The following RBFOX2 variants were observed in gnomAD, a reference collection of about 807,000 sequenced individuals.
The protein encoded by RBFOX2 is RNA binding fox-1 homolog 2, also known as RNA binding protein fox-1 homolog 2.
Under a neutral mutation model 49.1 loss-of-function variants are expected in RBFOX2, and 10 were observed. That is an observed-to-expected ratio of 0.20 (90% confidence interval 0.13 to 0.35). The LOEUF is 0.35. Ranked by LOEUF, RBFOX2 falls within the 10% of genes least tolerant of loss-of-function variation. RBFOX2 has a pLI of 1.00. For missense variants in RBFOX2, 323 were observed against 486.9 expected (o/e 0.66, Z 3.17); for synonymous variants, 183 against 187.4 (o/e 0.98, Z 0.19).
At chr22:36,008,295 G>A (rs544602231) in intron 1 of RBFOX2, among the ~76,000 whole-genome samples, 1 of 152,054 alleles carries the variant, frequency 6.6e-6, no homozygotes, top group Non-Finnish European at 1.5e-5. Context: ...ATCTAGCAAT[G>A]TTTAACATGT....
At chr22:35,809,204 A>G (rs1044658851) in intron 2 of RBFOX2, among the ~76,000 whole-genome samples, 2 of 152,178 alleles carry the variant, frequency 1.3e-5, no homozygotes, top group Admixed American at 6.5e-5. Context: ...GGTAGGTACT[A>G]TTATCTTCAT....
intron 1 of RBFOX2, among the ~76,000 whole-genome samples, chr22:35,859,150 A>G (rs909400038): frequency 2.6e-5 from 4 of 152,222 alleles, no homozygotes; most frequent in Admixed American, 2.0e-4. Flanking sequence ...GAGAAAATAA[A>G]GCAGCAATTG....
intron 1 of RBFOX2, among the ~76,000 whole-genome samples, chr22:35,870,246 T>C (rs906675035): frequency 6.6e-6 from 1 of 152,226 alleles, no homozygotes; most frequent in African/African-American, 2.4e-5. Context: ...CGGTGGCTCA[T>C]GCTTGCCATC....
chr22:35,969,678 C>T (rs1389485093), intron 1 of RBFOX2, among the ~76,000 whole-genome samples: 1 of 152,144 alleles, frequency 6.6e-6, no homozygotes, highest in African/African-American at 2.4e-5. Flanking sequence ...ATATCAGAGG[C>T]AGGAAGTTAG....
At position 35,761,199 on chromosome 22, in the gene RBFOX2, T is replaced by C. The variant is rs1938700781; in HGVS notation, c.754+3A>G. On this transcript the variant is annotated splice_donor_region_variant and intron_variant, in intron 8 of 11. Transcript: ENST00000405409. Reference sequence around the variant, plus strand: ...CCATGCCAGGCCAACATAGGCTACTTACTGATTAAAGGAATGTAAGTGTTG... The same window carrying C: ...CCATGCCAGGCCAACATAGGCTACTCACTGATTAAAGGAATGTAAGTGTTG... The C allele has an allele frequency of 1.9e-6, 3 of 1,613,248 alleles. No homozygotes were observed. The highest frequency in any genetic ancestry group is 2.5e-6 in the Non-Finnish European group (3 of 1,179,418).
At chr22:35,955,498 A>G (rs527409307) in intron 1 of RBFOX2, among the ~76,000 whole-genome samples, 2 of 145,960 alleles carry the variant, frequency 1.4e-5, no homozygotes, top group East Asian at 4.1e-4. Context: ...GTGGTCCCCA[A>G]TCTTTTTGGC....
chr22:35,820,426 T>C (rs556358674), intron 1 of RBFOX2, among the ~76,000 whole-genome samples: 60 of 152,310 alleles, frequency 3.9e-4, no homozygotes, highest in African/African-American at 1.3e-3. Flanking sequence ...TTTCTACTCA[T>C]TGGGCTAATA....
chr22:35,858,068 A>G (rs759784567), intron 1 of RBFOX2, among the ~76,000 whole-genome samples: 6 of 152,248 alleles, frequency 3.9e-5, no homozygotes, highest in Non-Finnish European at 7.3e-5. Context: ...GAGTTTTCAG[A>G]GCACTGTTTT....
At chr22:35,773,651 G>A (rs1032750759) in intron 4 of RBFOX2, among the ~76,000 whole-genome samples, 1 of 151,966 alleles carries the variant, frequency 6.6e-6, no homozygotes, top group Non-Finnish European at 1.5e-5. Flanking sequence ...TTAATAATGA[G>A]CACTATCTGA....
intron 4 of RBFOX2, among the ~76,000 whole-genome samples, chr22:35,775,994 C>G (rs1943836570): frequency 6.6e-6 from 1 of 152,002 alleles, no homozygotes; most frequent in Non-Finnish European, 1.5e-5. Flanking sequence ...GGAGTAAGTC[C>G]TCAATGCCTG....
At chr22:35,974,209 A>C (rs2057028354) in intron 1 of RBFOX2, among the ~76,000 whole-genome samples, 1 of 152,248 alleles carries the variant, frequency 6.6e-6, no homozygotes, top group Admixed American at 6.5e-5. Flanking sequence ...GCCCTGCCAA[A>C]GAATTGCCGC....
intron 1 of RBFOX2, among the ~76,000 whole-genome samples, chr22:36,001,900 C>T (rs920515206): frequency 1.3e-5 from 2 of 151,988 alleles, no homozygotes; most frequent in African/African-American, 4.8e-5. Flanking sequence ...CCCGTCTCTA[C>T]TAAAAATACA....
intron 1 of RBFOX2, among the ~76,000 whole-genome samples, chr22:35,922,538 C>T (rs1176066552): frequency 6.6e-6 from 1 of 151,418 alleles, no homozygotes; most frequent in Non-Finnish European, 1.5e-5. Flanking sequence ...CGCCACTGCA[C>T]TCCAGACTGG....
chr22:35,942,739 G>A (rs142911556), upstream of RBFOX2, among the ~76,000 whole-genome samples: 14 of 149,094 alleles, frequency 9.4e-5, no homozygotes, highest in Non-Finnish European at 1.8e-4. Flanking sequence ...AAAAAAAAAA[G>A]GTAACTAAAT....
chr22:35,839,056 G>A (rs1958226235), intron 1 of RBFOX2, among the ~76,000 whole-genome samples: 1 of 152,080 alleles, frequency 6.6e-6, no homozygotes, highest in Non-Finnish European at 1.5e-5. Context: ...CAAAAAAAGG[G>A]CAACCTCCTT....
intron 1 of RBFOX2, among the ~76,000 whole-genome samples, chr22:35,818,530 T>C (rs1421888639): frequency 6.6e-6 from 1 of 152,172 alleles, no homozygotes; most frequent in Non-Finnish European, 1.5e-5. Context: ...ACACCTGTAA[T>C]CCCAGCACTT....
chr22:35,756,279 G>T, intron 9 of RBFOX2, 135 bp from the exon 11 acceptor site: 1 of 634,894 alleles, frequency 1.6e-6, no homozygotes, highest in Non-Finnish European at 2.3e-6. Flanking sequence ...TGGGCTTGGG[G>T]CCTCGGCAAG....
At chr22:35,740,625 G>C (rs1929440132) in exon 12 of RBFOX2, 1 of 152,588 alleles carries the variant, frequency 6.6e-6, no homozygotes, top group Non-Finnish European at 1.5e-5. Context: ...AGAACTGGCT[G>C]AACTTGGCAA....
intron 1 of RBFOX2, among the ~76,000 whole-genome samples, chr22:35,875,869 ATT>A (rs1310596101): frequency 2.0e-5 from 3 of 152,148 alleles, no homozygotes; most frequent in African/African-American, 7.2e-5. Flanking sequence ...AGAAAGCTAC[ATT>A]TTGTTTTGTG....
Sources: gnomAD v4.1 joint callset for allele counts (sites outside exome capture counted in the v4.1 genomes callset) on GRCh38, gnomAD v4.1.1 for gene constraint, MANE v1.5 for transcripts, NCBI Gene and HGNC (gene_info 2026-07-23, HGNC 2026-07-21) for gene names.